Variants in PABPC4L observed in about 807,000 individuals in gnomAD.
PABPC4L encodes poly(A) binding protein cytoplasmic 4 like, also known as polyadenylate-binding protein 4-like.
For missense variants in PABPC4L, 452 were observed against 451.4 expected (o/e 1.00, Z -0.01); for synonymous variants, 169 against 164.1 (o/e 1.03, Z -0.23).
chr4:134,005,708 C>T, the PABPC4L span, among the ~76,000 whole-genome samples: 1 of 151,612 alleles, frequency 6.6e-6, no homozygotes, highest in East Asian at 1.9e-4. Context: ...CCCTCATGGA[C>T]TTAAGTTTAC....
chr4:134,082,004 G>A, the PABPC4L span, among the ~76,000 whole-genome samples: 4 of 152,136 alleles, frequency 2.6e-5, no homozygotes, highest in African/African-American at 9.7e-5. Context: ...TGTGATGGAT[G>A]TTGATCAGCT....
chr4:134,061,102 G>T, the PABPC4L span, among the ~76,000 whole-genome samples: 1 of 152,092 alleles, frequency 6.6e-6, no homozygotes, highest in East Asian at 1.9e-4. Context: ...GTAACACAAA[G>T]GATAGATGCT....
chr4:134,193,386 A>T (rs776411031), downstream of PABPC4L, among the ~76,000 whole-genome samples: 1 of 151,904 alleles, frequency 6.6e-6, no homozygotes, highest in Non-Finnish European at 1.5e-5. Context: ...TACTTAAAAT[A>T]ATATATTTTT....
chr4:134,139,748 C>G, the PABPC4L span, among the ~76,000 whole-genome samples: 1 of 151,124 alleles, frequency 6.6e-6, no homozygotes, highest in East Asian at 1.9e-4. Flanking sequence ...TGGTCTCAAA[C>G]TCCTGGCCTC....
the PABPC4L span, among the ~76,000 whole-genome samples, chr4:134,045,360 A>G: frequency 6.6e-6 from 1 of 152,222 alleles, no homozygotes; most frequent in East Asian, 1.9e-4. Context: ...TCCTGTTCCT[A>G]CATTTCGGTT....
the PABPC4L span, among the ~76,000 whole-genome samples, chr4:133,973,417 G>A: frequency 6.9e-4 from 104 of 150,520 alleles, no homozygotes; most frequent in Non-Finnish European, 1.1e-3. Flanking sequence ...CTGGAAAACA[G>A]CTAAATGTTT....
the PABPC4L span, among the ~76,000 whole-genome samples, chr4:133,983,025 A>G: frequency 6.6e-6 from 1 of 152,082 alleles, no homozygotes; most frequent in East Asian, 1.9e-4. Flanking sequence ...AGACTCACCA[A>G]CTTGTCTCAA....
At chr4:133,957,334 G>T in the PABPC4L span, among the ~76,000 whole-genome samples, 12 of 152,138 alleles carry the variant, frequency 7.9e-5, no homozygotes, top group African/African-American at 2.7e-4. Flanking sequence ...CTTACAGTTG[G>T]TACATAATCT....
the PABPC4L span, among the ~76,000 whole-genome samples, chr4:134,150,446 A>G: frequency 6.6e-6 from 1 of 152,144 alleles, no homozygotes; most frequent in Non-Finnish European, 1.5e-5. Context: ...TTGTTGACTT[A>G]TCCAGATATA....
At chr4:134,089,720 CA>C in the PABPC4L span, among the ~76,000 whole-genome samples, 1 of 151,914 alleles carries the variant, frequency 6.6e-6, no homozygotes, top group Non-Finnish European at 1.5e-5. Flanking sequence ...TCCTCAGATG[CA>C]AAATCCCTCA....
chr4:134,074,988 G>A, the PABPC4L span, among the ~76,000 whole-genome samples: 1 of 152,042 alleles, frequency 6.6e-6, no homozygotes, highest in African/African-American at 2.4e-5. Flanking sequence ...TAAGACAATT[G>A]AAAATAATCA....
At chr4:134,147,803 T>C in the PABPC4L span, among the ~76,000 whole-genome samples, 1 of 151,544 alleles carries the variant, frequency 6.6e-6, no homozygotes, top group African/African-American at 2.4e-5. Flanking sequence ...AAATAAGTGT[T>C]TGAATGCAAT....
At chr4:134,138,417 TTC>T in the PABPC4L span, among the ~76,000 whole-genome samples, 1 of 151,806 alleles carries the variant, frequency 6.6e-6, no homozygotes, top group Non-Finnish European at 1.5e-5. Flanking sequence ...AAGAAAAACT[TTC>T]TGTCTTTTTT....
At chr4:134,138,280 T>C in the PABPC4L span, among the ~76,000 whole-genome samples, 1 of 151,840 alleles carries the variant, frequency 6.6e-6, no homozygotes, top group South Asian at 2.1e-4. Context: ...TACACATTTA[T>C]TAATGTTAAG....
the PABPC4L span, among the ~76,000 whole-genome samples, chr4:134,051,464 A>G: frequency 6.6e-6 from 1 of 152,176 alleles, no homozygotes; most frequent in African/African-American, 2.4e-5. Context: ...AATCCAAGAC[A>G]GAGTTTGCAA....
chr4:134,049,803 A>C, the PABPC4L span, among the ~76,000 whole-genome samples: 4 of 152,338 alleles, frequency 2.6e-5, no homozygotes, highest in African/African-American at 9.6e-5. Flanking sequence ...CCATATCAGG[A>C]TTAACTGATA....
chr4:134,086,067 T>C, the PABPC4L span, among the ~76,000 whole-genome samples: 3 of 152,102 alleles, frequency 2.0e-5, no homozygotes, highest in African/African-American at 7.2e-5. Flanking sequence ...CTGTCTAAAA[T>C]ATTATTGGTC....
chr4:134,079,600 A>C, the PABPC4L span, among the ~76,000 whole-genome samples: 5 of 98,586 alleles, frequency 5.1e-5, no homozygotes, highest in African/African-American at 1.6e-4. Flanking sequence ...AAAAAAAAAA[A>C]AAAAAAAAAA....
At chr4:134,053,119 C>T in the PABPC4L span, among the ~76,000 whole-genome samples, 10 of 151,956 alleles carry the variant, frequency 6.6e-5, 1 homozygote, top group Non-Finnish European at 1.2e-4. Context: ...TAGAGCTTGA[C>T]CACACTAAAT....
Sources: gnomAD v4.1 joint callset for allele counts (sites outside exome capture counted in the v4.1 genomes callset) on GRCh38, gnomAD v4.1.1 for gene constraint, MANE v1.5 for transcripts, NCBI Gene and HGNC (gene_info 2026-07-23, HGNC 2026-07-21) for gene names.